Variants in GID4 observed in about 807,000 individuals in gnomAD.
The protein encoded by GID4 is glucose-induced degradation protein 4 homolog.
Under a neutral mutation model 32.4 loss-of-function variants are expected in GID4, and 7 were observed. The ratio of observed to expected loss-of-function variants is 0.22; its 90% confidence interval spans 0.12 to 0.41. GID4 has a LOEUF of 0.41. GID4 is among the 10% of genes least tolerant of loss of function. The pLI, the probability that GID4 is intolerant of heterozygous loss-of-function variation, is 1.00. For missense variants in GID4, 309 were observed against 400.0 expected, an observed-to-expected ratio of 0.77 and a Z score of 1.94; for synonymous variants, 166 against 170.0, an observed-to-expected ratio of 0.98 and a Z score of 0.18.
intron 2 of GID4, among the ~76,000 whole-genome samples, chr17:18,053,419 C>T (rs1482127903): frequency 6.6e-6 from 1 of 151,714 alleles, no homozygotes; most frequent in Non-Finnish European, 1.5e-5. Context: ...TCGAGACCAG[C>T]CTGGCCAACA....
Position 18,039,686 on chromosome 17 carries a change from C to A in GID4, c.222C>A (p.Pro74=), listed in dbSNP as rs770486184. 1 of 1,463,616 alleles carries A rather than the reference C, an allele frequency of 6.8e-7. No homozygotes were observed. Among genetic ancestry groups the A allele is most frequent in the Non-Finnish European group, 9.0e-7 (1 of 1,107,446 alleles). The allele number at this position is 1,463,616 out of a possible 1,614,324, so 90.7% of individuals were successfully genotyped here. A position where few individuals can be genotyped will look rare whatever the true frequency, so the allele number is the denominator to read the frequency against. ...CGGCGGCGGTTCCTCTCCCACTCCC[C>A]CCAGCCCTGGCTCCGGGGGACCCCG... The part of the protein sequence containing the change: ...RAAAAVPLPL[P]PALAPGDPAM... The change falls in exon 1 of 6, where the codon CCC becomes CCA. Residue 74 remains proline (P), a synonymous_variant. Coordinates refer to ENST00000268719, the MANE Select transcript of GID4 (RefSeq NM_024052.5). This position sits in a 1 kb window ranked among gnomAD's most constrained non-coding sequence, Gnocchi z 5.3.
In GID4 at chr17:18,061,695, G is replaced by C. The variant is rs941638109; in HGVS notation, c.709-150G>C. On this transcript the variant is annotated intron_variant, in intron 4 of 5. Transcript: ENST00000268719. This position sits in a 1 kb window ranked among gnomAD's most constrained non-coding sequence, Gnocchi z 4.4. ...TTTAGAAGTCAGGCTGAGACCCCAC[G>C]GGCCCGCCATCACCCAGCAAGTCTA... 1.3e-5 allele frequency: 9 copies of C among 709,934 alleles called. 1 individual carries two copies. Among genetic ancestry groups the C allele is most frequent in the Middle Eastern group, 4.0e-4 (1 of 2,474 alleles). 44.0% of individuals were successfully genotyped at this position (709,934 alleles called of 1,614,324 possible). A position where few individuals can be genotyped will look rare whatever the true frequency, so the allele number is the denominator to read the frequency against.
At chr17:18,055,924 T>C (rs1042240749) in intron 3 of GID4, among the ~76,000 whole-genome samples, 2 of 152,170 alleles carry the variant, frequency 1.3e-5, no homozygotes, top group Non-Finnish European at 2.9e-5. Context: ...CTGCAACCTC[T>C]GCTCACTGCA....
rs563725563 is a variant in GID4 at position 18,060,331 on chromosome 17, G to A, written c.708+1362G>A. 5.4e-5 allele frequency among the ~76,000 whole-genome samples: 8 copies of A among 149,062 alleles called. No individual in the cohort carries two copies. In the South Asian group the frequency reaches 1.7e-3, roughly 32 times the overall value. ...GAGAATCACTTGAACCCAGGAGGTG[G>A]AGGTTGCAGTGAGCCAAGATTGCGC... On this transcript the variant is annotated intron_variant, in intron 4 of 5. Transcript: ENST00000268719.
intron 5 of GID4, among the ~76,000 whole-genome samples, chr17:18,062,892 G>T (rs577818187): frequency 4.6e-5 from 7 of 151,038 alleles, no homozygotes; most frequent in Non-Finnish European, 1.0e-4. Context: ...TGGCTAACAC[G>T]GTGAAACCCC....
intron 3 of GID4, chr17:18,056,737 T>G: frequency 6.4e-7 from 1 of 1,550,618 alleles, no homozygotes; most frequent in Non-Finnish European, 8.7e-7. Flanking sequence ...CAGACTCTGC[T>G]AGACTGGACT....
rs1050225164 is a variant in GID4 at position 18,066,283 on chromosome 17, G to A, written c.*1040G>A. The A allele has an allele frequency of 1.3e-5, 2 of 152,624 alleles. No homozygotes were observed. Among genetic ancestry groups the A allele is most frequent in the Admixed American group, 1.3e-4 (2 of 15,286 alleles). The allele number at this position is 152,624 out of a possible 1,614,324, so 9.5% of individuals were successfully genotyped here. ...AAGAACTGTTTTTGGGGCCAGTTTA[G>A]CATTTGTGCCGCCTCCTTTTGCTAC... On this transcript the variant is annotated 3_prime_UTR_variant, in exon 6 of 6. Transcript: ENST00000268719.
Position 18,039,921 on chromosome 17 carries a change from C to T in GID4, c.438+19C>T, listed in dbSNP as rs955487495. On this transcript the variant is annotated intron_variant, in intron 1 of 5. Coordinates refer to ENST00000268719, the MANE Select transcript of GID4 (RefSeq NM_024052.5). This position sits in a 1 kb window ranked among gnomAD's most constrained non-coding sequence, Gnocchi z 5.3. ...GCTGCAGGTGAGCGCCGGGCCGGGC[C>T]GGGGCCCGAGGGCCTCCTCGCGGCG... 1 of 1,361,076 alleles carries T rather than the reference C, an allele frequency of 7.3e-7. No homozygotes were observed. The highest frequency in any genetic ancestry group is 2.0e-5 in the South Asian group (1 of 49,590). The allele number at this position is 1,361,076 out of a possible 1,614,324, so 84.3% of individuals were successfully genotyped here. A position where few individuals can be genotyped will look rare whatever the true frequency, so the allele number is the denominator to read the frequency against.
chr17:18,051,388 A>G (rs1310108946), intron 2 of GID4, among the ~76,000 whole-genome samples: 3 of 152,340 alleles, frequency 2.0e-5, no homozygotes, highest in Admixed American at 6.5e-5. Flanking sequence ...ACTCGGAAAA[A>G]TAATATAAAC....
At position 18,039,841 on chromosome 17, in the gene GID4, C is replaced by G. The variant is rs1032447528; in HGVS notation, c.377C>G (p.Ser126Cys). The change falls in exon 1 of 6, where the codon TCC becomes TGC. Residue 126 changes from serine (S) to cysteine (C), a missense_variant. Coordinates refer to ENST00000268719, the MANE Select transcript of GID4 (RefSeq NM_024052.5). This position sits in a 1 kb window ranked among gnomAD's most constrained non-coding sequence, Gnocchi z 5.3. ...GCCACCAGCCTGCTCTACAGCGGCT[C>G]CAAGTTCCGCGGCCACCAGAAGAGC... ...GVATSLLYSG[S>C]KFRGHQKSKG... 1.9e-6 allele frequency: 3 copies of G among 1,551,508 alleles called. No individual in the cohort carries two copies. Among genetic ancestry groups the G allele is most frequent in the South Asian group, 1.2e-5 (1 of 84,642 alleles).
At chr17:18,047,057 C>T (rs2044861240) in intron 2 of GID4, among the ~76,000 whole-genome samples, 1 of 152,048 alleles carries the variant, frequency 6.6e-6, no homozygotes, top group Non-Finnish European at 1.5e-5. Flanking sequence ...TTGTAAAGTC[C>T]TGATGAGCCT....
At chr17:18,062,912 A>G (rs895256067) in intron 5 of GID4, among the ~76,000 whole-genome samples, 1 of 150,406 alleles carries the variant, frequency 6.6e-6, no homozygotes, top group South Asian at 2.1e-4. Flanking sequence ...CGTCTCTACT[A>G]AAAAACAAAA....
rs1315249396 is a variant in GID4 at position 18,061,642 on chromosome 17, A to C, written c.709-203A>C. On this transcript the variant is annotated intron_variant, in intron 4 of 5. Transcript: ENST00000268719. The surrounding 1 kb of genome is among the most constrained non-coding windows in gnomAD (Gnocchi z 4.4). ...GACACAGTTTGTCACTTTAGTATAT[A>C]GAATACTCCAGGAGCACATGGACGC... is the stretch of plus-strand genomic sequence containing the variant. Among the ~76,000 whole-genome samples, 1 of 152,164 alleles carries C rather than the reference A, an allele frequency of 6.6e-6. No homozygotes were observed. Among genetic ancestry groups the C allele is most frequent in the African/African-American group, 2.4e-5 (1 of 41,432 alleles).
chr17:18,063,828 C>T (rs1340628228), intron 5 of GID4, among the ~76,000 whole-genome samples: 2 of 152,122 alleles, frequency 1.3e-5, no homozygotes, highest in Admixed American at 6.5e-5. Context: ...CTGCAACCTC[C>T]GCCTCCCAGG....
chr17:18,064,690 A>C (rs549536641), intron 5 of GID4, among the ~76,000 whole-genome samples: 1 of 152,314 alleles, frequency 6.6e-6, no homozygotes, highest in African/African-American at 2.4e-5. Context: ...AAAGTGAGAA[A>C]ATTTAAATGA....
intron 3 of GID4, among the ~76,000 whole-genome samples, 199 bp downstream of exon 3, chr17:18,054,433 A>G (rs938483728): frequency 6.6e-6 from 1 of 152,220 alleles, no homozygotes; most frequent in African/African-American, 2.4e-5. Context: ...CTGCTTAAAT[A>G]GCAAATGGTT....
intron 2 of GID4, among the ~76,000 whole-genome samples, chr17:18,051,251 C>T (rs1390778699): frequency 1.3e-5 from 2 of 152,038 alleles, no homozygotes; most frequent in African/African-American, 4.8e-5. Context: ...AGTGATCCTC[C>T]TGTCTTGGCC....
chr17:18,054,075 GTT>G, intron 2 of GID4, 50 bp from the exon 3 acceptor site: 1 of 1,014,714 alleles, frequency 9.9e-7, no homozygotes, highest in Non-Finnish European at 1.5e-6. Context: ...TTGTACAAAG[GTT>G]AAAAACTCTC....
In GID4 at chr17:18,065,171, C is replaced by T. The variant is rs762896603; in HGVS notation, c.840-9C>T. 3 of 1,611,128 alleles carry T rather than the reference C, an allele frequency of 1.9e-6. No individual in the cohort carries two copies. The highest frequency in any genetic ancestry group is 1.7e-5 in the Admixed American group (1 of 60,018). On this transcript the variant is annotated splice_polypyrimidine_tract_variant and intron_variant, in intron 5 of 5. Transcript: ENST00000268719. Reference sequence around the variant, plus strand: ...ACTACCTCCCGTTTCTGTCTCCTCCCCCTTGCAGGTATCAGTCCCTCAATC... The same window carrying T: ...ACTACCTCCCGTTTCTGTCTCCTCCTCCTTGCAGGTATCAGTCCCTCAATC...
Sources: allele counts gnomAD v4.1 joint callset (sites outside exome capture counted in the v4.1 genomes callset), GRCh38; gene constraint gnomAD v4.1.1; non-coding constraint Gnocchi (gnomAD v3.1); transcripts MANE v1.5; gene names NCBI Gene and HGNC (gene_info 2026-07-23, HGNC 2026-07-21).